The following NFXL1 variants were observed in gnomAD, a reference collection of about 807,000 sequenced individuals.
The protein encoded by NFXL1 is nuclear transcription factor, X-box binding like 1.
NFXL1 carries 66 observed loss-of-function variants against 123.3 expected under a neutral mutation model. That is an observed-to-expected ratio of 0.54 (90% CI 0.44 to 0.66). The LOEUF is 0.66. Ranked by LOEUF, NFXL1 falls within the 30% of genes least tolerant of loss-of-function variation. NFXL1 has a pLI of 0.00. For missense variants in NFXL1, 944 were observed against 1,125.6 expected (o/e 0.84, Z 2.31); for synonymous variants, 346 against 360.8 (o/e 0.96, Z 0.46).
chr4:47,903,377 A>T (rs906355570), intron 4 of NFXL1, 54 bp from the exon 5 acceptor site: 1 of 1,191,714 alleles, frequency 8.4e-7, no homozygotes, highest in African/African-American at 1.6e-5. Flanking sequence ...TGTTAATTGT[A>T]AAATAATTTA....
intron 16 of NFXL1, 92 bp downstream of exon 16, chr4:47,879,004 A>G: frequency 1.3e-6 from 1 of 758,718 alleles, no homozygotes; most frequent in Non-Finnish European, 2.2e-6. Flanking sequence ...CAATACTTTG[A>G]CTTTGTTATT....
chr4:47,862,251 C>T (rs1351708251), intron 19 of NFXL1, among the ~76,000 whole-genome samples: 5 of 152,108 alleles, frequency 3.3e-5, no homozygotes, highest in South Asian at 2.1e-4. Flanking sequence ...GCTTAGACAA[C>T]CACAAGAATC....
chr4:47,908,267 T>A (rs1247109863), intron 3 of NFXL1, among the ~76,000 whole-genome samples: 2 of 151,966 alleles, frequency 1.3e-5, no homozygotes, highest in African/African-American at 4.8e-5. Context: ...AAAAAAATTC[T>A]AAAAAAATTA....
intron 11 of NFXL1, among the ~76,000 whole-genome samples, chr4:47,893,026 T>TA (rs1014609106): frequency 6.6e-6 from 1 of 151,930 alleles, no homozygotes; most frequent in African/African-American, 2.4e-5. Context: ...ACGGAAGATA[T>TA]AAAAAAGACC....
At chr4:47,890,468 C>T in intron 12 of NFXL1, 145 bp downstream of exon 12, 1 of 583,942 alleles carries the variant, frequency 1.7e-6, no homozygotes, top group Non-Finnish European at 3.0e-6. Context: ...GGCAAACTGC[C>T]TTACCTTCTT....
At chr4:47,912,272 A>G (rs1017044533) in intron 2 of NFXL1, among the ~76,000 whole-genome samples, 5 of 152,124 alleles carry the variant, frequency 3.3e-5, no homozygotes, top group African/African-American at 1.2e-4. Flanking sequence ...TTAGCACTTA[A>G]AAGATACATA....
chr4:47,913,972 T>C lies in NFXL1; in HGVS notation c.232A>G (p.Ser78Gly), dbSNP rs1737977196. Residue 78 changes from serine (S) to glycine (G), a missense_variant, in exon 2 of 23, where the codon AGC becomes GGC. By Grantham distance (56) the Ser-to-Gly change is moderately conservative. Around this residue, in one of 4 missense-constraint regions of NFXL1, gnomAD observed 303 missense variants for 292.1 expected, o/e 1.04. Coordinates refer to ENST00000507489, the MANE Select transcript of NFXL1 (RefSeq NM_001278624.2). ...CGCGGGCGGGAGCCATTCTCACCGC[T>C]GGCTGCGGTAGTCTGCAGGGCTTGG... ...GSQALQTTAA[S>G]ELMSQKKFEE... 1 of 1,543,096 alleles carries C rather than the reference T, an allele frequency of 6.5e-7. No homozygotes were observed.
intron 18 of NFXL1, among the ~76,000 whole-genome samples, chr4:47,866,919 T>C (rs893244944): frequency 6.6e-6 from 1 of 152,238 alleles, no homozygotes; most frequent in Admixed American, 6.5e-5. Context: ...GGAAACATTT[T>C]ACAAGTGTTG....
intron 19 of NFXL1, among the ~76,000 whole-genome samples, chr4:47,859,322 G>A (rs1220051372): frequency 1.3e-5 from 2 of 152,188 alleles, no homozygotes; most frequent in South Asian, 4.1e-4. Flanking sequence ...ATTATTTGTA[G>A]ATAATCATAA....
intron 11 of NFXL1, among the ~76,000 whole-genome samples, chr4:47,891,202 C>T (rs1009235090): frequency 1.3e-5 from 2 of 151,112 alleles, no homozygotes; most frequent in African/African-American, 4.9e-5. Flanking sequence ...ACCTCCACCT[C>T]CCAGGCTCAA....
Position 47,848,200 on chromosome 4 carries a change from A to G in NFXL1, c.2699T>C (p.Val900Ala). Residue 900 changes from valine (V) to alanine (A), a missense_variant, in exon 23 of 23, where the codon GTA becomes GCA. By Grantham distance (64) the Val-to-Ala change is moderately conservative (BLOSUM62 0). This residue lies in a region of NFXL1 where 301 missense variants were observed against 348.0 expected (regional missense o/e 0.86). Coordinates refer to ENST00000507489, the MANE Select transcript of NFXL1 (RefSeq NM_001278624.2). ...YLISVCGVVV[V>A]VFAWYITHDV... ...ATGGGTGATGTACCAGGCAAACACT[A>G]CAACCACAACTCCACACACTGAAAT... The G allele has an allele frequency of 6.2e-7, 1 of 1,609,926 alleles. No individual in the cohort carries two copies. Among genetic ancestry groups the G allele is most frequent in the Non-Finnish European group, 8.5e-7 (1 of 1,177,548 alleles).
chr4:47,894,539 T>TAA (rs200680311), intron 10 of NFXL1, among the ~76,000 whole-genome samples: 3,017 of 139,414 alleles, frequency 0.022, 106 homozygotes, highest in African/African-American at 0.075. Context: ...ATTGAATAGT[T>TAA]AAAAAAAAAA....
rs755776183 is a variant in NFXL1 at position 47,910,959 on chromosome 4, T to A, written c.271A>T (p.Lys91Ter). Residue 91 changes from lysine to a stop codon, truncating the protein, a stop_gained, in exon 3 of 23, where the codon AAA (lysine) becomes TAA (stop). Coordinates refer to ENST00000507489, the MANE Select transcript of NFXL1 (RefSeq NM_001278624.2). LOFTEE classifies it high-confidence loss of function. ...MSQKKFEEIKKANQAAARKLV... is the reference protein window; with the variant it reads ...MSQKKFEEIK ...TTTCTGGCTGCAGCTTGGTTAGCTT[T>A]CTTGATTTCTTCAAATTTTTTCTGA... 1.9e-6 allele frequency: 3 copies of A among 1,605,040 alleles called. No individual in the cohort carries two copies. Among genetic ancestry groups the A allele is most frequent in the Non-Finnish European group, 8.5e-7 (1 of 1,176,902 alleles).
chr4:47,859,637 T>G (rs1734607040), intron 19 of NFXL1, among the ~76,000 whole-genome samples: 3 of 151,822 alleles, frequency 2.0e-5, no homozygotes. Flanking sequence ...GTTCAGGGGT[T>G]CAAGACCAGC....
At position 47,885,581 on chromosome 4, in the gene NFXL1, G is replaced by T; in HGVS notation, c.1741C>A (p.Pro581Thr). Residue 581 changes from proline (P) to threonine (T), a missense_variant, in exon 14 of 23, where the codon CCT becomes ACT. Pro to Thr is a conservative substitution (Grantham distance 38). Transcript: ENST00000507489. ...HFGSCPPCHQ[P>T]CQKVLEKCGH... ...CATTTCTCCAAAACTTTTTGGCAAG[G>T]TTGATGACATGGTGGACAAGAACCA... is the stretch of plus-strand genomic sequence containing the variant. The T allele has an allele frequency of 2.5e-6, 4 of 1,613,806 alleles. No individual in the cohort carries two copies. Among genetic ancestry groups the T allele is most frequent in the Non-Finnish European group, 3.4e-6 (4 of 1,179,714 alleles).
intron 15 of NFXL1, among the ~76,000 whole-genome samples, 168 bp downstream of exon 15, chr4:47,884,178 A>G (rs1287339762): frequency 6.6e-6 from 1 of 152,234 alleles, no homozygotes; most frequent in African/African-American, 2.4e-5. Context: ...CAAGTATGAC[A>G]AACATGTTTG....
chr4:47,897,208 C>T (rs889786817), intron 9 of NFXL1, among the ~76,000 whole-genome samples: 1 of 151,992 alleles, frequency 6.6e-6, no homozygotes, highest in Non-Finnish European at 1.5e-5. Context: ...GCTACTGAGA[C>T]GGCTGAGGCA....
At chr4:47,871,412 C>G (rs571560471) in intron 18 of NFXL1, among the ~76,000 whole-genome samples, 3 of 151,856 alleles carry the variant, frequency 2.0e-5, no homozygotes, top group Non-Finnish European at 2.9e-5. Context: ...GGTTTCTATG[C>G]TCTAGAATAC....
intron 15 of NFXL1, among the ~76,000 whole-genome samples, chr4:47,882,872 G>C (rs187500369): frequency 2.0e-5 from 3 of 152,142 alleles, no homozygotes; most frequent in Admixed American, 2.0e-4. Context: ...AATACAAATA[G>C]TTCTTCTTTA....
Sources: gnomAD v4.1 joint callset for allele counts (sites outside exome capture counted in the v4.1 genomes callset) on GRCh38, gnomAD v4.1.1 for gene constraint, gnomAD v4.1.1 regional missense constraint, MANE v1.5 for transcripts, NCBI Gene and HGNC (gene_info 2026-07-23, HGNC 2026-07-21) for gene names.